Variants in FXN observed in about 807,000 individuals in gnomAD.
FXN encodes the protein frataxin.
Under a neutral mutation model 22.4 loss-of-function variants are expected in FXN, and 14 were observed. The ratio of observed to expected loss-of-function variants is 0.62; its 90% CI spans 0.41 to 0.98. The LOEUF is 0.98. Among genes scored for constraint, FXN ranks in the 50% least tolerant of loss-of-function variants. The pLI is 0.00. For missense variants in FXN, 267 were observed against 268.4 expected, an observed-to-expected ratio of 0.99 and a Z score of 0.04; for synonymous variants, 120 against 114.1, an observed-to-expected ratio of 1.05 and a Z score of -0.33.
At chr9:69,064,510 G>A (rs1386133892) in intron 3 of FXN, among the ~76,000 whole-genome samples, 1 of 152,166 alleles carries the variant, frequency 6.6e-6, no homozygotes, top group African/African-American at 2.4e-5. Context: ...GACTTGTCAT[G>A]TCTGATGTTT....
At chr9:69,068,407 C>T (rs1313269387) in intron 4 of FXN, among the ~76,000 whole-genome samples, 2 of 152,136 alleles carry the variant, frequency 1.3e-5, no homozygotes, top group African/African-American at 4.8e-5. Context: ...GACTGATGGG[C>T]CCTTGTTTTT....
In FXN at chr9:69,072,793, C is replaced by G. The variant is rs1451402215; in HGVS notation, c.*31C>G. On this transcript the variant is annotated 3_prime_UTR_variant, in exon 5 of 5. Transcript: ENST00000484259. ...AGCCCCGTTTTAAGGACATTAAAAG[C>G]TATCAGGCCAAGACCCCAGCTTCAT... is the stretch of plus-strand genomic sequence containing the variant. 3 of 1,613,814 alleles carry G rather than the reference C, an allele frequency of 1.9e-6. No individual in the cohort carries two copies. Among genetic ancestry groups the G allele is most frequent in the Non-Finnish European group, 2.5e-6 (3 of 1,180,024 alleles).
In FXN at chr9:69,073,797, G is replaced by A. The variant is rs1832317086; in HGVS notation, c.*1035G>A. On this transcript the variant is annotated 3_prime_UTR_variant, in exon 5 of 5. Transcript: ENST00000484259. ...AGTTCTAATTCCCTATTGGGTAGATGAGGGGATGACAAAGAACAGTTTTTA... is the reference window on the plus strand; with the variant it reads ...AGTTCTAATTCCCTATTGGGTAGATAAGGGGATGACAAAGAACAGTTTTTA... 1.0e-6 allele frequency: 1 copy of A among 985,350 alleles called. No homozygotes were observed. The highest frequency in any genetic ancestry group is 1.2e-6 in the Non-Finnish European group (1 of 829,892). 61.0% of individuals were successfully genotyped at this position (985,350 alleles called of 1,614,324 possible).
chr9:69,059,350 C>T (rs993579389), intron 3 of FXN, among the ~76,000 whole-genome samples: 2 of 145,530 alleles, frequency 1.4e-5, no homozygotes, highest in Non-Finnish European at 3.0e-5. Flanking sequence ...CCCCTGAGAC[C>T]ACTTAATCCC....
chr9:69,075,919 G>C lies in FXN; in HGVS notation c.*3157G>C. ...GGGGTTTCACCATGTTGCCCAGGCT[G>C]GTCTCTAACACTTAGGCTCAAGTGA... On this transcript the variant is annotated 3_prime_UTR_variant, in exon 5 of 5. Transcript: ENST00000484259. The C allele has an allele frequency of 1.5e-6, 1 of 663,892 alleles. No homozygotes were observed. The highest frequency in any genetic ancestry group is 1.9e-6 in the Non-Finnish European group (1 of 537,368). 41.1% of individuals were successfully genotyped at this position (663,892 alleles called of 1,614,324 possible). A position where few individuals can be genotyped will look rare whatever the true frequency, so the allele number is the denominator to read the frequency against.
At chr9:69,059,487 C>T (rs958970806) in intron 3 of FXN, among the ~76,000 whole-genome samples, 2 of 149,650 alleles carry the variant, frequency 1.3e-5, no homozygotes, top group African/African-American at 4.9e-5. Context: ...GCAACCACCA[C>T]CTCCTGGGCT....
chr9:69,061,284 C>G (rs777828114), intron 3 of FXN, among the ~76,000 whole-genome samples: 6 of 152,134 alleles, frequency 3.9e-5, no homozygotes, highest in Non-Finnish European at 7.3e-5. Context: ...ACCTTGAGCA[C>G]GCATCTGCCC....
intron 3 of FXN, among the ~76,000 whole-genome samples, chr9:69,060,091 G>A (rs956059341): frequency 5.3e-5 from 8 of 152,264 alleles, no homozygotes; most frequent in African/African-American, 1.2e-4. Context: ...CTCACCAGCC[G>A]GGCGTGGTGG....
In FXN at chr9:69,056,581, C is replaced by T. The variant is rs559524325; in HGVS notation, c.384+3321C>T. Among the ~76,000 whole-genome samples, 5 of 152,256 alleles carry T rather than the reference C, an allele frequency of 3.3e-5. No homozygotes were observed. In the South Asian group the frequency reaches 6.2e-4, roughly 19 times the overall value. On this transcript the variant is annotated intron_variant, in intron 3 of 4. Coordinates refer to ENST00000484259, the MANE Select transcript of FXN (RefSeq NM_000144.5). The stretch of plus-strand genomic sequence containing the variant: ...GTTCGAGGCAGCTGTGAGCCATGAT[C>T]GCACCACTGTTCTCCAGCCAGGATG...
chr9:69,076,217 GTTT>G lies in FXN; in HGVS notation c.*3467_*3469del, dbSNP rs11310316. ...TTGTAGACACTGACAGTGGCCTCAT[GTTT>G]TTTTTTTTTTTAATCTATAAAATGG... On this transcript the variant is annotated 3_prime_UTR_variant, in exon 5 of 5. Transcript: ENST00000484259. 1.2e-5 allele frequency: 10 copies of G among 836,660 alleles called. No individual in the cohort carries two copies. The highest frequency in any genetic ancestry group is 5.7e-5 in the South Asian group (1 of 17,626). The allele number at this position is 836,660 out of a possible 1,614,324, so 51.8% of individuals were successfully genotyped here. A position where few individuals can be genotyped will look rare whatever the true frequency, so the allele number is the denominator to read the frequency against.
chr9:69,071,013 A>G (rs1419389707), intron 4 of FXN, among the ~76,000 whole-genome samples: 2 of 151,952 alleles, frequency 1.3e-5, no homozygotes, highest in East Asian at 1.9e-4. Flanking sequence ...ACAAGTTTTC[A>G]GGTCCTGTGA....
intron 1 of FXN, among the ~76,000 whole-genome samples, chr9:69,037,944 G>A (rs966714352): frequency 3.3e-5 from 5 of 152,220 alleles, no homozygotes; most frequent in African/African-American, 1.2e-4. Flanking sequence ...GAGCCACCGC[G>A]TCTGGCCATC....
At chr9:69,062,215 G>A (rs1268396518) in intron 3 of FXN, among the ~76,000 whole-genome samples, 1 of 152,154 alleles carries the variant, frequency 6.6e-6, no homozygotes, top group Non-Finnish European at 1.5e-5. Context: ...AGGCTCAAGC[G>A]ATTCTCCCAC....
Position 69,078,772 on chromosome 9 carries a change from C to T in FXN, c.*6010C>T. 1 of 985,620 alleles carries T rather than the reference C, an allele frequency of 1.0e-6. No homozygotes were observed. The highest frequency in any genetic ancestry group is 1.2e-6 in the Non-Finnish European group (1 of 830,040). 61.1% of individuals were successfully genotyped at this position (985,620 alleles called of 1,614,324 possible). A position where few individuals can be genotyped will look rare whatever the true frequency, so the allele number is the denominator to read the frequency against. On this transcript the variant is annotated 3_prime_UTR_variant, in exon 5 of 5. Transcript: ENST00000484259. ...CTCTGCCTGGGGGGTAGATTCTACC[C>T]TGAAAAATGTTCTTGGCACAGCCTT...
intron 2 of FXN, 120 bp downstream of exon 2, chr9:69,046,602 G>A (rs1831760589): frequency 1.4e-6 from 1 of 722,714 alleles, no homozygotes; most frequent in East Asian, 2.7e-5. Flanking sequence ...ATGTGACTGA[G>A]TATCCACCAC....
At position 69,078,905 on chromosome 9, in the gene FXN, G is replaced by A. The variant is rs1043404723; in HGVS notation, c.*6143G>A. The A allele has an allele frequency of 2.3e-5, 23 of 984,832 alleles. No homozygotes were observed. The African/African-American group carries it at 3.3e-4, about 14-fold the overall frequency. 61.0% of individuals were successfully genotyped at this position (984,832 alleles called of 1,614,324 possible). A position where few individuals can be genotyped will look rare whatever the true frequency, so the allele number is the denominator to read the frequency against. On this transcript the variant is annotated 3_prime_UTR_variant, in exon 5 of 5. Transcript: ENST00000484259. ...CACTGACCTACCATGTGTCACCCCTGCTTGGCTGTACCTTCCATGAGGCTA... is the reference window on the plus strand; with the variant it reads ...CACTGACCTACCATGTGTCACCCCTACTTGGCTGTACCTTCCATGAGGCTA...
chr9:69,073,298 A>G lies in FXN; in HGVS notation c.*536A>G, dbSNP rs548893635. Reference sequence around the variant, plus strand: ...AAGTGTCGAAAGCAACTCACACGGGAAGATCATTTCTTATTTGTGCTCTGT... The same window carrying G: ...AAGTGTCGAAAGCAACTCACACGGGGAGATCATTTCTTATTTGTGCTCTGT... On this transcript the variant is annotated 3_prime_UTR_variant, in exon 5 of 5. Transcript: ENST00000484259. 8 of 1,002,766 alleles carry G rather than the reference A, an allele frequency of 8.0e-6. 1 individual carries two copies. In the South Asian group the frequency reaches 3.0e-4, roughly 38 times the overall value. The allele number at this position is 1,002,766 out of a possible 1,614,324, so 62.1% of individuals were successfully genotyped here. A position where few individuals can be genotyped will look rare whatever the true frequency, so the allele number is the denominator to read the frequency against.
rs1832346680 is a variant in FXN, at chr9:69,075,374, C to T, written c.*2612C>T. The T allele has an allele frequency of 2.7e-5, 18 of 664,116 alleles. No homozygotes were observed. The highest frequency in any genetic ancestry group is 7.6e-4 in the Middle Eastern group (1 of 1,312). The allele number at this position is 664,116 out of a possible 1,614,324, so 41.1% of individuals were successfully genotyped here. A position where few individuals can be genotyped will look rare whatever the true frequency, so the allele number is the denominator to read the frequency against. On this transcript the variant is annotated 3_prime_UTR_variant, in exon 5 of 5. Coordinates refer to ENST00000484259, the MANE Select transcript of FXN (RefSeq NM_000144.5). ...ACTCAGGAGGCTGAGGCAGGAGAATCGCTGTAACCTGGGGGGTGGAGGTTG... is the reference window on the plus strand; with the variant it reads ...ACTCAGGAGGCTGAGGCAGGAGAATTGCTGTAACCTGGGGGGTGGAGGTTG...
In FXN at chr9:69,077,212, A is replaced by T. The variant is rs1331235145; in HGVS notation, c.*4450A>T. The T allele has an allele frequency of 1.0e-6, 1 of 985,080 alleles. No homozygotes were observed. Among genetic ancestry groups the T allele is most frequent in the African/African-American group, 1.7e-5 (1 of 57,218 alleles). 61.0% of individuals were successfully genotyped at this position (985,080 alleles called of 1,614,324 possible). A position where few individuals can be genotyped will look rare whatever the true frequency, so the allele number is the denominator to read the frequency against. Reference sequence around the variant, plus strand: ...CAGGCGTGAGCCACTGCACCCAGCCAGAAATGCCTTCTAATCTTTGGTTTA... The same window carrying T: ...CAGGCGTGAGCCACTGCACCCAGCCTGAAATGCCTTCTAATCTTTGGTTTA... On this transcript the variant is annotated 3_prime_UTR_variant, in exon 5 of 5. Transcript: ENST00000484259.
Sources: gnomAD v4.1 joint callset for allele counts (sites outside exome capture counted in the v4.1 genomes callset) on GRCh38, gnomAD v4.1.1 for gene constraint, MANE v1.5 for transcripts, NCBI Gene and HGNC (gene_info 2026-07-23, HGNC 2026-07-21) for gene names.